CLDN18: variants seen among roughly 807,000 people sequenced by gnomAD.
CLDN18 encodes claudin-18.
CLDN18 carries 20 observed loss-of-function variants against 25.0 expected under a neutral mutation model. That is an observed-to-expected ratio of 0.80 (90% CI 0.56 to 1.16). The LOEUF (loss-of-function observed/expected upper bound fraction) is 1.16, where lower values mean the gene tolerates loss of function less well. Ranked by LOEUF, CLDN18 falls within the 50% of genes most tolerant of loss-of-function variation. The pLI, the probability that CLDN18 is intolerant of heterozygous loss-of-function variation, is 0.00. For missense variants in CLDN18, 297 were observed against 345.4 expected (o/e 0.86, Z 1.11); for synonymous variants, 125 against 135.6 (o/e 0.92, Z 0.54).
Position 138,032,210 on chromosome 3 carries a change from AGAAGT to A in CLDN18, c.*1070_*1074del, listed in dbSNP as rs1942405374. 6.6e-6 allele frequency: 1 copy of A among 152,314 alleles called. No individual in the cohort carries two copies. The highest frequency in any genetic ancestry group is 2.4e-5 in the African/African-American group (1 of 41,462). 9.4% of individuals were successfully genotyped at this position (152,314 alleles called of 1,614,324 possible). On this transcript the variant is annotated 3_prime_UTR_variant, in exon 5 of 5. Coordinates refer to ENST00000183605, the MANE Select transcript of CLDN18 (RefSeq NM_016369.4). Reference sequence around the variant, plus strand: ...TGAGGAGGAAGGATCACTTGAGCCCAGAAGTTCGAGACTAGCCTGGGCAACATGGA... The same window carrying A: ...TGAGGAGGAAGGATCACTTGAGCCCATCGAGACTAGCCTGGGCAACATGGA...
upstream of CLDN18, among the ~76,000 whole-genome samples, chr3:138,009,298 G>A (rs1046474212): frequency 2.0e-5 from 3 of 152,200 alleles, no homozygotes; most frequent in African/African-American, 4.8e-5. Context: ...ACCAGGCCAA[G>A]GACTTCAGCC....
chr3:138,021,970 A>G (rs1018109615), intron 1 of CLDN18, among the ~76,000 whole-genome samples: 6 of 152,184 alleles, frequency 3.9e-5, no homozygotes, highest in Admixed American at 1.3e-4. Context: ...TAAAAATAAT[A>G]ATAATAACAA....
intron 1 of CLDN18, among the ~76,000 whole-genome samples, chr3:138,000,183 G>A (rs576391912): frequency 6.6e-6 from 1 of 152,130 alleles, no homozygotes; most frequent in Admixed American, 6.5e-5. Context: ...GGAATCTGTG[G>A]GCCTACCATT....
At chr3:138,014,598 C>T (rs1193685359) in intron 1 of CLDN18, among the ~76,000 whole-genome samples, 3 of 152,188 alleles carry the variant, frequency 2.0e-5, no homozygotes, top group Non-Finnish European at 4.4e-5. Flanking sequence ...GCAGCCACCA[C>T]AGAAGTATAC....
At position 138,031,377 on chromosome 3, in the gene CLDN18, C is replaced by T. The variant is rs1942394306; in HGVS notation, c.*236C>T. The T allele has an allele frequency of 2.8e-6, 1 of 361,204 alleles. No homozygotes were observed. Among genetic ancestry groups the T allele is most frequent in the Non-Finnish European group, 4.9e-6 (1 of 203,416 alleles). The allele number at this position is 361,204 out of a possible 1,614,324, so 22.4% of individuals were successfully genotyped here. A position where few individuals can be genotyped will look rare whatever the true frequency, so the allele number is the denominator to read the frequency against. On this transcript the variant is annotated 3_prime_UTR_variant, in exon 5 of 5. Coordinates refer to ENST00000183605, the MANE Select transcript of CLDN18 (RefSeq NM_016369.4). ...GAGGCTATAGCTCACATTTTCAATC[C>T]TCTATTTCTTTTTTTAAATATAACT...
intron 4 of CLDN18, 151 bp downstream of exon 4, chr3:138,030,058 C>T: frequency 1.6e-6 from 1 of 628,066 alleles, no homozygotes; most frequent in Non-Finnish European, 2.8e-6. Context: ...TTAGGGGGAA[C>T]CTAAAGAACA....
At chr3:138,026,853 C>A (rs890308814) in intron 3 of CLDN18, among the ~76,000 whole-genome samples, 1 of 152,150 alleles carries the variant, frequency 6.6e-6, no homozygotes, top group Admixed American at 6.5e-5. Flanking sequence ...GAGAGCTGTG[C>A]AGTGTGAATT....
intron 3 of CLDN18, among the ~76,000 whole-genome samples, chr3:138,027,516 G>A (rs1057254366): frequency 1.4e-4 from 21 of 152,136 alleles, no homozygotes; most frequent in Non-Finnish European, 2.2e-4. Context: ...TGATGATATC[G>A]TGTCCTTCCT....
chr3:138,015,830 T>G (rs760105592), intron 1 of CLDN18, among the ~76,000 whole-genome samples: 2 of 152,208 alleles, frequency 1.3e-5, no homozygotes, highest in Non-Finnish European at 2.9e-5. Context: ...AACTTTTCAT[T>G]CGTCTGACAA....
At chr3:138,001,277 T>C (rs1188184930) in intron 1 of CLDN18, among the ~76,000 whole-genome samples, 2 of 152,212 alleles carry the variant, frequency 1.3e-5, no homozygotes, top group Non-Finnish European at 2.9e-5. Flanking sequence ...CAGAAGCACC[T>C]TCCTGTCCTC....
intron 1 of CLDN18, among the ~76,000 whole-genome samples, chr3:138,014,150 G>A (rs960209438): frequency 7.2e-5 from 11 of 152,042 alleles, no homozygotes; most frequent in African/African-American, 1.4e-4. Context: ...CTTTTATTCC[G>A]TGTCAGGCCA....
chr3:137,999,139 G>C (rs767550714), intron 1 of CLDN18: 1 of 1,525,766 alleles, frequency 6.6e-7, no homozygotes, highest in Admixed American at 1.7e-5. Flanking sequence ...AGGTGGAGAG[G>C]AAACTGCAGG....
chr3:138,025,705 G>A (rs1255509583), intron 3 of CLDN18, among the ~76,000 whole-genome samples: 1 of 152,160 alleles, frequency 6.6e-6, no homozygotes. Flanking sequence ...TTAGAAGTAG[G>A]TTGACCAACT....
chr3:138,014,156 G>C (rs763693188), intron 1 of CLDN18, among the ~76,000 whole-genome samples: 1 of 152,040 alleles, frequency 6.6e-6, no homozygotes, highest in African/African-American at 2.4e-5. Flanking sequence ...TTCCGTGTCA[G>C]GCCAGACAAA....
chr3:138,025,349 T>C (rs1440996926), intron 3 of CLDN18, among the ~76,000 whole-genome samples: 3 of 152,146 alleles, frequency 2.0e-5, no homozygotes, highest in Admixed American at 6.5e-5. Flanking sequence ...TTTTAAAAGA[T>C]GGAAAAGCAA....
chr3:138,004,906 C>T (rs865862997), intron 1 of CLDN18: 2 of 151,862 alleles, frequency 1.3e-5, no homozygotes, highest in Admixed American at 6.6e-5. Flanking sequence ...ATTTATTTGA[C>T]TACATCATTC....
intron 1 of CLDN18, among the ~76,000 whole-genome samples, chr3:138,011,372 A>T (rs923754469): frequency 1.3e-5 from 2 of 152,228 alleles, no homozygotes; most frequent in Non-Finnish European, 2.9e-5. Context: ...CTTGAAACTG[A>T]ATTGAATTGT....
At chr3:138,011,341 T>C (rs947901291) in intron 1 of CLDN18, among the ~76,000 whole-genome samples, 2 of 152,134 alleles carry the variant, frequency 1.3e-5, no homozygotes, top group African/African-American at 4.8e-5. Context: ...TTGCAAGAAA[T>C]TGTGAAGAGG....
At chr3:138,022,004 C>G (rs1942276209) in intron 1 of CLDN18, among the ~76,000 whole-genome samples, 1 of 152,080 alleles carries the variant, frequency 6.6e-6, no homozygotes, top group Admixed American at 6.5e-5. Context: ...GCACCTGAAA[C>G]CTAAGGAAGG....
Sources: gnomAD v4.1 joint callset for allele counts (sites outside exome capture counted in the v4.1 genomes callset) on GRCh38, gnomAD v4.1.1 for gene constraint, MANE v1.5 for transcripts, NCBI Gene and HGNC (gene_info 2026-07-23, HGNC 2026-07-21) for gene names.